ARL6IP6: variants seen among roughly 807,000 people sequenced by gnomAD.
ARL6IP6 encodes the protein ARF like GTPase 6 interacting protein 6, also known as ADP-ribosylation factor-like protein 6-interacting protein 6.
In ARL6IP6, 22 loss-of-function variants were observed where a neutral mutation model predicts 21.5. The ratio of observed to expected loss-of-function variants is 1.02; its 90% confidence interval spans 0.73 to 1.46. The LOEUF (loss-of-function observed/expected upper bound fraction) is 1.46. Ranked by LOEUF, ARL6IP6 falls within the 40% of genes most tolerant of loss-of-function variation. The pLI is 0.00. For missense variants in ARL6IP6, 388 were observed against 299.8 expected, an observed-to-expected ratio of 1.29 and a Z score of -2.17; for synonymous variants, 164 against 125.3, an observed-to-expected ratio of 1.31 and a Z score of -2.06.
rs1437990774 is a variant in ARL6IP6, at chr2:152,762,019, CCTCT to C, written c.*2183_*2186del. ...CTCCCCTTTTTTGGGAAATGACCCT[CCTCT>C]CTCCAGTCTGACACAGGGTCCAAAT... On this transcript the variant is annotated 3_prime_UTR_variant, in exon 4 of 4. Coordinates refer to ENST00000326446, the MANE Select transcript of ARL6IP6 (RefSeq NM_152522.7). Among the ~76,000 whole-genome samples, 2 of 152,122 alleles carry C rather than the reference CCTCT, an allele frequency of 1.3e-5. No individual in the cohort carries two copies. The highest frequency in any genetic ancestry group is 2.9e-5 in the Non-Finnish European group (2 of 68,028).
intron 1 of ARL6IP6, among the ~76,000 whole-genome samples, chr2:152,719,511 C>A (rs1699612929): frequency 6.6e-6 from 1 of 151,990 alleles, no homozygotes; most frequent in Non-Finnish European, 1.5e-5. Context: ...AATAATTAGC[C>A]TCTCAGTTTT....
At chr2:152,722,062 G>A (rs1173769337) in intron 2 of ARL6IP6, among the ~76,000 whole-genome samples, 1 of 152,176 alleles carries the variant, frequency 6.6e-6, no homozygotes. Context: ...ACCTTTTGCT[G>A]TTTAAAAGTT....
intron 3 of ARL6IP6, among the ~76,000 whole-genome samples, chr2:152,754,382 T>C (rs2105185992): frequency 6.6e-6 from 1 of 152,352 alleles, no homozygotes; most frequent in South Asian, 2.1e-4. Flanking sequence ...GGTTCATCCA[T>C]ATTGTGGCAT....
chr2:152,726,398 G>A (rs1700053571), intron 2 of ARL6IP6, among the ~76,000 whole-genome samples: 1 of 152,178 alleles, frequency 6.6e-6, no homozygotes, highest in Admixed American at 6.5e-5. Context: ...GCATTGGCAG[G>A]AGAGGAGAGA....
At chr2:152,719,100 C>T (rs1393304886) in intron 1 of ARL6IP6, 76 bp downstream of exon 1, 7 of 1,411,460 alleles carry the variant, frequency 5.0e-6, no homozygotes, top group East Asian at 5.2e-5. Context: ...CCACCCATCT[C>T]CCTTTCCCTC....
At chr2:152,725,882 T>C (rs905425976) in intron 2 of ARL6IP6, among the ~76,000 whole-genome samples, 3 of 152,220 alleles carry the variant, frequency 2.0e-5, no homozygotes, top group Non-Finnish European at 4.4e-5. Flanking sequence ...AAAGTTTTTT[T>C]CCTGCTGTCT....
chr2:152,725,405 A>C (rs943993766), intron 2 of ARL6IP6, among the ~76,000 whole-genome samples: 30 of 152,172 alleles, frequency 2.0e-4, no homozygotes, highest in Admixed American at 2.0e-3. Context: ...TGAGGTCTGC[A>C]TCCTAATTTA....
Position 152,762,386 on chromosome 2 carries a change from T to G in ARL6IP6, c.*2546T>G, listed in dbSNP as rs1170142650. ...GTCAATAAATTTCTGTCTTTTGGCC[T>G]TTGCAGTTTACATTGGCTTTTGTCA... On this transcript the variant is annotated 3_prime_UTR_variant, in exon 4 of 4. Transcript: ENST00000326446. Among the ~76,000 whole-genome samples the G allele has an allele frequency of 6.6e-6, 1 of 152,194 alleles. No homozygotes were observed. Among genetic ancestry groups the G allele is most frequent in the East Asian group, 1.9e-4 (1 of 5,182 alleles).
intron 2 of ARL6IP6, among the ~76,000 whole-genome samples, chr2:152,733,954 A>C (rs944696803): frequency 6.6e-6 from 1 of 152,314 alleles, no homozygotes; most frequent in African/African-American, 2.4e-5. Context: ...TGGGTGAATA[A>C]GTGAGTTAAT....
In ARL6IP6 at chr2:152,761,731, G is replaced by A. The variant is rs2105205608; in HGVS notation, c.*1891G>A. Among the ~76,000 whole-genome samples the A allele has an allele frequency of 6.6e-6, 1 of 152,254 alleles. No individual in the cohort carries two copies. The highest frequency in any genetic ancestry group is 1.9e-4 in the East Asian group (1 of 5,174). ...GCAATATTCAGTACAGTAACATGCA[G>A]TACAGGTTTATAGTCTAGGAGCAAT... On this transcript the variant is annotated 3_prime_UTR_variant, in exon 4 of 4. Coordinates refer to ENST00000326446, the MANE Select transcript of ARL6IP6 (RefSeq NM_152522.7).
intron 3 of ARL6IP6, among the ~76,000 whole-genome samples, chr2:152,745,407 G>C (rs56225248): frequency 0.02 from 2,971 of 152,220 alleles, 63 homozygotes; most frequent in Non-Finnish European, 0.027. Context: ...TCCCTCCTTG[G>C]AAATAAGTAT....
chr2:152,721,424 G>C (rs1699785429), intron 2 of ARL6IP6, among the ~76,000 whole-genome samples: 1 of 152,044 alleles, frequency 6.6e-6, no homozygotes, highest in African/African-American at 2.4e-5. Flanking sequence ...AGTTTCTGCA[G>C]TGTCTGTAGA....
chr2:152,722,621 G>A (rs974954222), intron 2 of ARL6IP6, among the ~76,000 whole-genome samples: 2 of 152,088 alleles, frequency 1.3e-5, no homozygotes, highest in East Asian at 1.9e-4. Context: ...TGAGGTGATC[G>A]GCCACGCGCG....
chr2:152,755,865 T>C (rs1701566404), intron 3 of ARL6IP6, among the ~76,000 whole-genome samples: 1 of 152,258 alleles, frequency 6.6e-6, no homozygotes, highest in African/African-American at 2.4e-5. Flanking sequence ...CCACCGACCC[T>C]GTGGGGCTGG....
chr2:152,744,728 C>T (rs1018084548), intron 3 of ARL6IP6, among the ~76,000 whole-genome samples: 1 of 151,986 alleles, frequency 6.6e-6, no homozygotes, highest in Non-Finnish European at 1.5e-5. Flanking sequence ...TTCTTCCAAC[C>T]ACAAATAACA....
At chr2:152,746,433 G>T (rs1019000538) in intron 3 of ARL6IP6, among the ~76,000 whole-genome samples, 2 of 152,174 alleles carry the variant, frequency 1.3e-5, no homozygotes, top group Non-Finnish European at 2.9e-5. Flanking sequence ...GACAGTGCTT[G>T]CCAATTTTGT....
chr2:152,732,509 CT>C (rs745909201), intron 2 of ARL6IP6: 307 of 405,050 alleles, frequency 7.6e-4, no homozygotes, highest in Admixed American at 1.2e-3. Flanking sequence ...GATTGCTGGT[CT>C]TTTTTTTTAT....
At position 152,724,126 on chromosome 2, in the gene ARL6IP6, AAGAG is replaced by A. The variant is rs1169347748; in HGVS notation, c.454+3544_454+3547del. Among the ~76,000 whole-genome samples the A allele has an allele frequency of 4.2e-3, 417 of 99,992 alleles. 2 individuals are homozygous for A. The highest frequency in any genetic ancestry group is 9.3e-3 in the South Asian group (29 of 3,124). The allele number at this position is 99,992 out of a possible 152,430, so 65.6% of individuals were successfully genotyped here. ...ACTAAGGCCAAAAAAAAAAAAAAAAAAGAGAGAAAGCCAAAAAGGACTGGAAGGA... is the reference window on the plus strand; with the variant it reads ...ACTAAGGCCAAAAAAAAAAAAAAAAAAGAAAGCCAAAAAGGACTGGAAGGA... On this transcript the variant is annotated intron_variant, in intron 2 of 3. Coordinates refer to ENST00000326446, the MANE Select transcript of ARL6IP6 (RefSeq NM_152522.7).
At chr2:152,740,013 T>C (rs1700736116) in intron 3 of ARL6IP6, among the ~76,000 whole-genome samples, 1 of 152,288 alleles carries the variant, frequency 6.6e-6, no homozygotes. Flanking sequence ...GTCCCTCCCA[T>C]GACGTGGGGA....
Sources: gnomAD v4.1 joint callset for allele counts (sites outside exome capture counted in the v4.1 genomes callset) on GRCh38, gnomAD v4.1.1 for gene constraint, MANE v1.5 for transcripts, NCBI Gene and HGNC (gene_info 2026-07-23, HGNC 2026-07-21) for gene names.